The following EYA1 variants were observed in gnomAD, a reference collection of about 807,000 sequenced individuals.
The protein encoded by EYA1 is EYA transcriptional coactivator and phosphatase 1.
A neutral mutation model predicts 82.0 loss-of-function variants in EYA1; 16 were observed. That is an observed-to-expected ratio of 0.20 (90% confidence interval 0.13 to 0.30). The LOEUF (loss-of-function observed/expected upper bound fraction) is 0.30. Ranked by LOEUF, EYA1 falls within the 10% of genes least tolerant of loss-of-function variation. The pLI is 1.00. For synonymous variants in EYA1, 261 were observed against 264.4 expected (o/e 0.99, Z 0.12); for missense variants, 633 against 730.7 (o/e 0.87, Z 1.54).
rs1028718558 is a variant in EYA1, at chr8:71,254,516, A to T, written c.1051-9824T>A. ...GGAGACATATAATAAACTGTAAAGT[A>T]AATAAACAAAACTACTGGAGAAAAA... On this transcript the variant is annotated intron_variant, in intron 11 of 17. Coordinates refer to ENST00000340726, the MANE Select transcript of EYA1 (RefSeq NM_000503.6). 2.0e-5 allele frequency among the ~76,000 whole-genome samples: 3 copies of T among 152,198 alleles called. No individual in the cohort carries two copies. In the East Asian group the frequency reaches 5.8e-4, roughly 29 times the overall value.
intron 2 of EYA1, among the ~76,000 whole-genome samples, chr8:71,442,214 A>T (rs1412455011): frequency 6.6e-6 from 1 of 152,142 alleles, no homozygotes; most frequent in Non-Finnish European, 1.5e-5. Context: ...AATGCACTAA[A>T]CTCTTCACCC....
chr8:71,299,955 T>C (rs1004743267), intron 7 of EYA1, among the ~76,000 whole-genome samples: 1 of 152,190 alleles, frequency 6.6e-6, no homozygotes, highest in Non-Finnish European at 1.5e-5. Flanking sequence ...TATAGACTAA[T>C]GACAAAATAA....
intron 12 of EYA1, among the ~76,000 whole-genome samples, chr8:71,241,975 G>A (rs767707348): frequency 3.3e-5 from 5 of 152,274 alleles, no homozygotes; most frequent in East Asian, 3.9e-4. Context: ...GTGGGTGGCC[G>A]AGGCAGGTGG....
At chr8:71,246,023 T>C (rs1170408130) in intron 11 of EYA1, among the ~76,000 whole-genome samples, 1 of 152,226 alleles carries the variant, frequency 6.6e-6, no homozygotes, top group African/African-American at 2.4e-5. Context: ...ATTTGCAGTT[T>C]TATCCTGTAT....
rs774997460 is a variant in EYA1, at chr8:71,299,156, A to G, written c.717T>C (p.Tyr239=). ...TTGGGCTGGTGTTGCTGCTGGTCAT[A>G]TAATGTGCTGGATACGGTGAGCTGT... ...YYNSSPYPAH[Y]MTSSNTSPTT... Residue 239 remains tyrosine (Y), a synonymous_variant, in exon 9 of 18, where the codon TAT becomes TAC. Transcript: ENST00000340726. 7.4e-6 allele frequency: 12 copies of G among 1,614,144 alleles called. No homozygotes were observed. The highest frequency in any genetic ancestry group is 9.3e-6 in the Non-Finnish European group (11 of 1,180,008).
At chr8:71,545,976 T>C (rs953814543) in intron 1 of EYA1, among the ~76,000 whole-genome samples, 1 of 152,174 alleles carries the variant, frequency 6.6e-6, no homozygotes, top group South Asian at 2.1e-4. Context: ...AGGTCTAATT[T>C]AGTTTCATTT....
At chr8:71,406,021 A>T (rs1830199429) in intron 2 of EYA1, among the ~76,000 whole-genome samples, 1 of 152,192 alleles carries the variant, frequency 6.6e-6, no homozygotes, top group African/African-American at 2.4e-5. Flanking sequence ...CAAACTTTAC[A>T]GGAGAAACAA....
chr8:71,374,907 G>T (rs891819231), intron 2 of EYA1, among the ~76,000 whole-genome samples: 4 of 152,106 alleles, frequency 2.6e-5, no homozygotes, highest in Admixed American at 2.6e-4. Context: ...GATAACTACT[G>T]CATGATCTTA....
chr8:71,466,030 A>G (rs1166460938), intron 2 of EYA1, among the ~76,000 whole-genome samples: 1 of 152,188 alleles, frequency 6.6e-6, no homozygotes, highest in African/African-American at 2.4e-5. Flanking sequence ...GGCAACTGAA[A>G]TATTTTGCTC....
chr8:71,251,798 C>T (rs2128917265), intron 11 of EYA1, among the ~76,000 whole-genome samples: 1 of 150,970 alleles, frequency 6.6e-6, no homozygotes, highest in South Asian at 2.1e-4. Context: ...TCACCAGCAT[C>T]AACCCTGGTC....
intron 2 of EYA1, among the ~76,000 whole-genome samples, chr8:71,431,328 GT>G (rs1190813819): frequency 6.6e-6 from 1 of 152,046 alleles, no homozygotes; most frequent in Non-Finnish European, 1.5e-5. Flanking sequence ...AACTCACTCT[GT>G]TTTTTAAAAT....
chr8:71,429,365 A>T (rs1377678425), intron 2 of EYA1, among the ~76,000 whole-genome samples: 1 of 152,186 alleles, frequency 6.6e-6, no homozygotes, highest in East Asian at 1.9e-4. Context: ...AATTAAGTTG[A>T]TTTCAAAAAA....
chr8:71,248,713 G>A (rs1332947716), intron 11 of EYA1, among the ~76,000 whole-genome samples: 1 of 152,192 alleles, frequency 6.6e-6, no homozygotes, highest in Non-Finnish European at 1.5e-5. Flanking sequence ...AGCAACTGGA[G>A]TTCTCATATC....
intron 2 of EYA1, among the ~76,000 whole-genome samples, chr8:71,439,309 T>C (rs1366695978): frequency 6.6e-6 from 1 of 152,144 alleles, no homozygotes; most frequent in Non-Finnish European, 1.5e-5. Context: ...TTGAGTTTGT[T>C]TGGTTTCCAG....
chr8:71,431,080 T>C (rs917198450), intron 2 of EYA1, among the ~76,000 whole-genome samples: 2 of 152,186 alleles, frequency 1.3e-5, no homozygotes, highest in Non-Finnish European at 2.9e-5. Context: ...ATGTCTTAAA[T>C]AAACCTCTCC....
At chr8:71,240,150 T>C (rs1430869755) in intron 12 of EYA1, among the ~76,000 whole-genome samples, 1 of 152,190 alleles carries the variant, frequency 6.6e-6, no homozygotes, top group Admixed American at 6.5e-5. Context: ...AGAAAAATCA[T>C]TGCAGCTTTC....
intron 2 of EYA1, among the ~76,000 whole-genome samples, chr8:71,391,096 C>T (rs934299094): frequency 1.3e-5 from 2 of 152,144 alleles, no homozygotes; most frequent in African/African-American, 4.8e-5. Flanking sequence ...GCCTCAGCCA[C>T]CCAAGTAACT....
rs913163937 is a variant in EYA1 at position 71,361,924 on chromosome 8, C to T, written c.-332G>A. On this transcript the variant is annotated 5_prime_UTR_variant, in exon 1 of 18. Coordinates refer to ENST00000340726, the MANE Select transcript of EYA1 (RefSeq NM_000503.6). ...AGAAACCCGCCACAGTGGACGGCAA[C>T]AGGAAGGCTTAAAGTCGGAAGTGGC... The T allele has an allele frequency of 5.1e-6, 5 of 985,332 alleles. No individual in the cohort carries two copies. The highest frequency in any genetic ancestry group is 1.2e-4 in the Admixed American group (2 of 16,256). 61.0% of individuals were successfully genotyped at this position (985,332 alleles called of 1,614,324 possible).
intron 2 of EYA1, among the ~76,000 whole-genome samples, chr8:71,440,732 A>G (rs542382963): frequency 6.6e-6 from 1 of 152,304 alleles, no homozygotes; most frequent in East Asian, 1.9e-4. Context: ...CATTAGAGAT[A>G]CAAATTTTTG....
Sources: allele counts gnomAD v4.1 joint callset (sites outside exome capture counted in the v4.1 genomes callset), GRCh38; gene constraint gnomAD v4.1.1; transcripts MANE v1.5; gene names NCBI Gene and HGNC (gene_info 2026-07-23, HGNC 2026-07-21).